CSMD1: variants seen among roughly 807,000 people sequenced by gnomAD.
CSMD1 encodes the protein CUB and Sushi multiple domains 1, also known as CUB and sushi domain-containing protein 1.
In CSMD1, 213 loss-of-function variants were observed where a neutral mutation model predicts 417.5. The ratio of observed to expected loss-of-function variants is 0.51; its 90% CI spans 0.46 to 0.57. CSMD1 has a LOEUF of 0.57. CSMD1 is among the 20% of genes least tolerant of loss of function. The pLI is 0.00. For synonymous variants in CSMD1, 2,862 were observed against 1,736.8 expected (o/e 1.65, Z -16.11); for missense variants, 6,923 against 4,529.7 (o/e 1.53, Z -15.17).
chr8:3,926,930 G>T (rs922925886), intron 5 of CSMD1, among the ~76,000 whole-genome samples: 2 of 151,496 alleles, frequency 1.3e-5, no homozygotes, highest in East Asian at 1.9e-4. Flanking sequence ...TGGCCAGGAT[G>T]GTCTCAAACT....
intron 5 of CSMD1, among the ~76,000 whole-genome samples, chr8:3,898,101 C>T (rs556644467): frequency 6.6e-6 from 1 of 152,144 alleles, no homozygotes; most frequent in Non-Finnish European, 1.5e-5. Context: ...CGCCCTGACA[C>T]CCAATTTCTC....
chr8:3,742,119 A>G (rs531240494), intron 6 of CSMD1, among the ~76,000 whole-genome samples: 3 of 152,132 alleles, frequency 2.0e-5, no homozygotes, highest in Admixed American at 2.0e-4. Context: ...CCTGTCCATC[A>G]GTCTATTTGT....
chr8:3,998,082 G>T lies in CSMD1; in HGVS notation c.639C>A (p.Arg213=), dbSNP rs777613399. The change falls in exon 5 of 70, where the codon CGC becomes CGA. Residue 213 remains arginine, a synonymous_variant. Transcript: ENST00000635120. ...GGCTGGAGATGGAGCTGCTGGTCCCGCGTAAGGTTCCTCCGCAGGCTCCCT... is the reference window on the plus strand; with the variant it reads ...GGCTGGAGATGGAGCTGCTGGTCCCTCGTAAGGTTCCTCCGCAGGCTCCCT... ...RAEGACGGTL[R]GTSSSISSPH... is the part of the protein sequence containing the mutation. 6.3e-7 allele frequency: 1 copy of T among 1,583,242 alleles called. No individual in the cohort carries two copies. Among genetic ancestry groups the T allele is most frequent in the Middle Eastern group, 1.7e-4 (1 of 5,818 alleles).
intron 1 of CSMD1, among the ~76,000 whole-genome samples, chr8:4,746,325 T>G (rs1292429400): frequency 6.6e-6 from 1 of 152,214 alleles, no homozygotes; most frequent in Non-Finnish European, 1.5e-5. Context: ...GAATAGCGAC[T>G]GTAGGCACTT....
intron 1 of CSMD1, among the ~76,000 whole-genome samples, chr8:4,945,934 G>A (rs900356034): frequency 4.6e-5 from 7 of 152,138 alleles, no homozygotes; most frequent in African/African-American, 1.4e-4. Context: ...ATCAAACTCC[G>A]CTGGGAGCTA....
intron 5 of CSMD1, among the ~76,000 whole-genome samples, chr8:3,988,631 G>C (rs1247984660): frequency 1.3e-5 from 2 of 152,180 alleles, no homozygotes; most frequent in Admixed American, 6.5e-5. Context: ...ACGTTTAATA[G>C]ATAAATATGT....
At chr8:3,191,187 G>C (rs149026366) in intron 33 of CSMD1, among the ~76,000 whole-genome samples, 1 of 152,220 alleles carries the variant, frequency 6.6e-6, no homozygotes, top group Non-Finnish European at 1.5e-5. Context: ...GGGTGCAGTG[G>C]CGCAAGCCTG....
chr8:3,816,253 A>C (rs958392660), intron 5 of CSMD1, among the ~76,000 whole-genome samples: 1 of 152,178 alleles, frequency 6.6e-6, no homozygotes, highest in Non-Finnish European at 1.5e-5. Context: ...GTTACGGTGC[A>C]TTCATTTTCT....
chr8:4,305,341 T>A (rs765176786), intron 3 of CSMD1, among the ~76,000 whole-genome samples: 1 of 152,036 alleles, frequency 6.6e-6, no homozygotes, highest in African/African-American at 2.4e-5. Flanking sequence ...GCAAGAGAAG[T>A]GAGACCCGAA....
chr8:4,867,510 C>T (rs770472281), intron 1 of CSMD1, among the ~76,000 whole-genome samples: 62 of 152,204 alleles, frequency 4.1e-4, no homozygotes, highest in Non-Finnish European at 7.4e-4. Context: ...CAGCCAACCT[C>T]GGATATAATT....
intron 7 of CSMD1, among the ~76,000 whole-genome samples, chr8:3,619,946 A>G (rs1802340569): frequency 6.6e-6 from 1 of 152,160 alleles, no homozygotes; most frequent in African/African-American, 2.4e-5. Context: ...TACTAAAAAT[A>G]TAAAAATCAG....
chr8:3,630,605 A>T (rs1796733606), intron 7 of CSMD1, among the ~76,000 whole-genome samples: 1 of 152,156 alleles, frequency 6.6e-6, no homozygotes, highest in Non-Finnish European at 1.5e-5. Flanking sequence ...AGAAGGGTGA[A>T]GTGTTGGGCT....
At chr8:4,505,422 T>C (rs1177581872) in intron 2 of CSMD1, among the ~76,000 whole-genome samples, 1 of 152,204 alleles carries the variant, frequency 6.6e-6, no homozygotes, top group African/African-American at 2.4e-5. Context: ...AATAAAACTT[T>C]GAAACAAAAT....
intron 10 of CSMD1, among the ~76,000 whole-genome samples, chr8:3,558,379 A>C (rs10094462): frequency 1.0e-5 from 1 of 96,954 alleles, no homozygotes; most frequent in African/African-American, 3.3e-5. Flanking sequence ...GTGCCTCAGT[A>C]GTACCCCGTG....
In CSMD1 at chr8:4,051,308, C is replaced by CAAAAAAAAAAAA. The variant is rs5889012; in HGVS notation, c.416-19221_416-19210dup. Among the ~76,000 whole-genome samples, 93 of 140,520 alleles carry CAAAAAAAAAAAA rather than the reference C, an allele frequency of 6.6e-4. 1 individual carries two copies. Among genetic ancestry groups the CAAAAAAAAAAAA allele is most frequent in the African/African-American group, 2.4e-3 (89 of 36,488 alleles). 92.2% of individuals were successfully genotyped at this position (140,520 alleles called of 152,430 possible). On this transcript the variant is annotated intron_variant, in intron 3 of 69. Coordinates refer to ENST00000635120, the MANE Select transcript of CSMD1 (RefSeq NM_033225.6). The stretch of plus-strand genomic sequence containing the variant: ...AAAGCTCATCTAAGTTTTGAAGACT[C>CAAAAAAAAAAAA]AAAAAAAAAAAAAAGATATGTACAA...
chr8:4,174,152 C>T (rs148234825), intron 3 of CSMD1, among the ~76,000 whole-genome samples: 263 of 152,218 alleles, frequency 1.7e-3, no homozygotes, highest in African/African-American at 6.1e-3. Context: ...ACCAAAGGCT[C>T]GTGGCTGCCC....
At chr8:4,533,395 G>A (rs1271783611) in intron 2 of CSMD1, among the ~76,000 whole-genome samples, 1 of 152,176 alleles carries the variant, frequency 6.6e-6, no homozygotes, top group East Asian at 1.9e-4. Context: ...AGATCCATAT[G>A]ACCAGGATGG....
chr8:3,736,294 T>C (rs1249900884), intron 6 of CSMD1, among the ~76,000 whole-genome samples: 4 of 152,028 alleles, frequency 2.6e-5, no homozygotes, highest in African/African-American at 7.3e-5. Context: ...CAGGCTAGAG[T>C]GCAGTGGGGC....
chr8:4,442,324 G>A (rs13265103), intron 2 of CSMD1, among the ~76,000 whole-genome samples: 1 of 152,026 alleles, frequency 6.6e-6, no homozygotes. Flanking sequence ...AAAGTATAAA[G>A]TAGAAGTTCT....
Sources: allele counts gnomAD v4.1 joint callset (sites outside exome capture counted in the v4.1 genomes callset), GRCh38; gene constraint gnomAD v4.1.1; transcripts MANE v1.5; gene names NCBI Gene and HGNC (gene_info 2026-07-23, HGNC 2026-07-21).